The following RPS11 variants were observed in gnomAD, a reference collection of about 807,000 sequenced individuals.
The protein encoded by RPS11 is ribosomal protein S11.
For synonymous variants in RPS11, 107 were observed against 78.0 expected, an observed-to-expected ratio of 1.37 and a Z score of -1.96; for missense variants, 127 against 211.4, an observed-to-expected ratio of 0.60 and a Z score of 2.48.
intron 3 of RPS11, 109 bp from the exon 4 acceptor site, chr19:49,497,808 G>A: frequency 6.7e-7 from 1 of 1,489,796 alleles, no homozygotes; most frequent in Non-Finnish European, 9.4e-7. Flanking sequence ...TGCCGGAAAT[G>A]GGGCTTTTTG....
chr19:49,497,365 T>A, intron 2 of RPS11, 40 bp downstream of exon 2: 7 of 1,613,040 alleles, frequency 4.3e-6, no homozygotes, highest in Non-Finnish European at 5.9e-6. Flanking sequence ...AACCTGGCGT[T>A]CCTGCACGTG....
intron 1 of RPS11, among the ~76,000 whole-genome samples, chr19:49,496,776 C>T (rs1044118369): frequency 1.3e-5 from 2 of 151,994 alleles, no homozygotes; most frequent in Non-Finnish European, 2.9e-5. Flanking sequence ...GAAACGGACT[C>T]CTAAGGGCTA....
rs1029433501 is a variant in RPS11 at position 49,497,603 on chromosome 19, C to A, written c.223+8C>A. 1 of 1,611,690 alleles carries A rather than the reference C, an allele frequency of 6.2e-7. No individual in the cohort carries two copies. The highest frequency in any genetic ancestry group is 1.7e-5 in the Admixed American group (1 of 60,002). ...GAGGGCGGATCCTCTCTGGTAAGTG[C>A]GGGAGTTACTGGTGTCTGGGGCCTG... On this transcript the variant is annotated splice_region_variant and intron_variant, in intron 3 of 4. Transcript: ENST00000270625.
rs375310024 is a variant in RPS11, at chr19:49,497,510, A to T, written c.148-10A>T. Reference sequence around the variant, plus strand: ...CAAGGCTCACTCCTTTATCTTTCCTATCCTTTCAGGCTATTGAGGGCACCT... The same window carrying T: ...CAAGGCTCACTCCTTTATCTTTCCTTTCCTTTCAGGCTATTGAGGGCACCT... On this transcript the variant is annotated splice_polypyrimidine_tract_variant and intron_variant, in intron 2 of 4. Coordinates refer to ENST00000270625, the MANE Select transcript of RPS11 (RefSeq NM_001015.5). 3 of 1,613,156 alleles carry T rather than the reference A, an allele frequency of 1.9e-6. No individual in the cohort carries two copies. In the African/African-American group the frequency reaches 4.0e-5, roughly 22 times the overall value.
intron 4 of RPS11, 29 bp from the exon 5 acceptor site, chr19:49,499,483 T>C: frequency 6.2e-7 from 1 of 1,606,826 alleles, no homozygotes; most frequent in Non-Finnish European, 8.5e-7. Flanking sequence ...TGGCCCCTCC[T>C]GAGGACATGG....
rs1303805445 is a variant in RPS11 at position 49,499,553 on chromosome 19, G to A, written c.395G>A (p.Arg132Gln). 4 of 1,613,800 alleles carry A rather than the reference G, an allele frequency of 2.5e-6. No individual in the cohort carries two copies. Among genetic ancestry groups the A allele is most frequent in the Non-Finnish European group, 1.7e-6 (2 of 1,179,804 alleles). The change falls in exon 5 of 5, where the codon CGG becomes CAG. Residue 132 changes from arginine to glutamine, a missense_variant. Coordinates refer to ENST00000270625, the MANE Select transcript of RPS11 (RefSeq NM_001015.5). ...IGDIVTVGEC[R>Q]PLSKTVRFNV... ...GACATCGTCACAGTGGGCGAGTGCC[G>A]GCCTCTGAGCAAGACAGTGCGCTTC...
intron 4 of RPS11, among the ~76,000 whole-genome samples, chr19:49,499,158 G>C (rs902419716): frequency 6.6e-6 from 1 of 152,158 alleles, no homozygotes; most frequent in Admixed American, 6.5e-5. Flanking sequence ...AACTGATGCT[G>C]AGCGATAAGG....
At chr19:49,499,444 G>A in intron 4 of RPS11, 68 bp from the exon 5 acceptor site, 2 of 1,556,392 alleles carry the variant, frequency 1.3e-6, no homozygotes, top group South Asian at 2.3e-5. Flanking sequence ...TGGTGAAGGG[G>A]AGGGAGGGCC....
Position 49,498,077 on chromosome 19 carries a change from G to C in RPS11, c.353+31G>C, listed in dbSNP as rs747747195. ...CGCAGTGGCCCATCAGGTTGCTCAG[G>C]CCACGCTCTCTCAGCCTTCAGATTC... On this transcript the variant is annotated intron_variant, in intron 4 of 4. Coordinates refer to ENST00000270625, the MANE Select transcript of RPS11 (RefSeq NM_001015.5). The C allele has an allele frequency of 1.9e-6, 3 of 1,611,052 alleles. No individual in the cohort carries two copies. The African/African-American group carries it at 4.0e-5, about 22-fold the overall frequency.
chr19:49,497,118 T>G, intron 1 of RPS11, 76 bp from the exon 2 acceptor site: 1 of 1,565,704 alleles, frequency 6.4e-7, no homozygotes, highest in Non-Finnish European at 8.7e-7. Flanking sequence ...TGGGAGGTTC[T>G]GGGAAGGTCT....
intron 4 of RPS11, chr19:49,498,298 T>A: frequency 2.0e-6 from 1 of 509,524 alleles, no homozygotes; most frequent in Non-Finnish European, 3.6e-6. Flanking sequence ...GTTTTGGGGA[T>A]GTGACATAGG....
chr19:49,498,299 G>A (rs1285816660), intron 4 of RPS11: 1 of 505,720 alleles, frequency 2.0e-6, no homozygotes, highest in Non-Finnish European at 3.6e-6. Flanking sequence ...TTTTGGGGAT[G>A]TGACATAGGT....
intron 1 of RPS11, 68 bp downstream of exon 1, chr19:49,496,539 G>A (rs2079907210): frequency 6.6e-7 from 1 of 1,504,260 alleles, no homozygotes; most frequent in Non-Finnish European, 8.9e-7. Flanking sequence ...GTCCGGGAGG[G>A]CAGAGCCCGG....
chr19:49,497,761 C>G (rs375390423), intron 3 of RPS11, 156 bp from the exon 4 acceptor site: 1 of 1,180,888 alleles, frequency 8.5e-7, no homozygotes, highest in Admixed American at 1.7e-5. Flanking sequence ...CAGATGCCCA[C>G]GTGGGCACTG....
At chr19:49,498,956 T>C (rs1299520677) in intron 4 of RPS11, among the ~76,000 whole-genome samples, 1 of 152,082 alleles carries the variant, frequency 6.6e-6, no homozygotes, top group Admixed American at 6.6e-5. Context: ...GTGTGAGATG[T>C]TTGGGGTTCA....
chr19:49,497,767 C>T, intron 3 of RPS11, 150 bp from the exon 4 acceptor site: 1 of 1,206,842 alleles, frequency 8.3e-7, no homozygotes, highest in Non-Finnish European at 1.2e-6. Flanking sequence ...CCCACGTGGG[C>T]ACTGCTGAGA....
At position 49,499,701 on chromosome 19, in the gene RPS11, G is replaced by A. The variant is rs577391412; in HGVS notation, c.*66G>A. 1.5e-4 allele frequency: 232 copies of A among 1,575,158 alleles called. No individual in the cohort carries two copies. In the African/African-American group the frequency reaches 2.8e-3, roughly 19 times the overall value. On this transcript the variant is annotated 3_prime_UTR_variant, in exon 5 of 5. Transcript: ENST00000270625. Reference sequence around the variant, plus strand: ...TTTTCTCATTCCCAGGCCAGACTTGGGATCTTCCGCGCCTTTACCAGAGCA... The same window carrying A: ...TTTTCTCATTCCCAGGCCAGACTTGAGATCTTCCGCGCCTTTACCAGAGCA...
At chr19:49,497,741 C>G (rs1219533192) in intron 3 of RPS11, 146 bp downstream of exon 3, 2 of 1,146,144 alleles carry the variant, frequency 1.7e-6, no homozygotes, top group Admixed American at 1.7e-5. Flanking sequence ...TTTGTTTTCA[C>G]GATGGTCTTC....
chr19:49,497,473 G>A, intron 2 of RPS11, 47 bp from the exon 3 acceptor site: 1 of 1,607,026 alleles, frequency 6.2e-7, no homozygotes, highest in Non-Finnish European at 8.5e-7. Context: ...CTCTTTTAAG[G>A]AACCGCCCGC....
Sources: gnomAD v4.1 joint callset for allele counts (sites outside exome capture counted in the v4.1 genomes callset) on GRCh38, gnomAD v4.1.1 for gene constraint, MANE v1.5 for transcripts, NCBI Gene and HGNC (gene_info 2026-07-23, HGNC 2026-07-21) for gene names.